Variants in TRPA1 observed in about 807,000 individuals in gnomAD.
TRPA1 encodes ankyrin-like with transmembrane domains 1.
Under a neutral mutation model 131.3 loss-of-function variants are expected in TRPA1, and 129 were observed. The ratio of observed to expected loss-of-function variants is 0.98; its 90% CI spans 0.85 to 1.14. The LOEUF is 1.14. Ranked by LOEUF, TRPA1 falls within the 50% of genes most tolerant of loss-of-function variation. The probability of loss-of-function intolerance (pLI) is 0.00; values close to 1 mark genes in which losing one functional copy is unlikely to be tolerated. For synonymous variants in TRPA1, 441 were observed against 451.7 expected, an observed-to-expected ratio of 0.98 and a Z score of 0.30; for missense variants, 1,304 against 1,354.2, an observed-to-expected ratio of 0.96 and a Z score of 0.58.
At chr8:72,036,829 CTT>C (rs935799652) in intron 20 of TRPA1, among the ~76,000 whole-genome samples, 7 of 152,168 alleles carry the variant, frequency 4.6e-5, no homozygotes, top group African/African-American at 1.4e-4. Context: ...GTGGAGCTCT[CTT>C]TATGAACTAA....
In TRPA1 at chr8:72,033,631, A is replaced by G; in HGVS notation, c.2868+13T>C. ...TGATCAACAAACAGAAAATATAAGA[A>G]AAAACTACTTACAAGTAAATTCATG... On this transcript the variant is annotated intron_variant, in intron 23 of 26. Coordinates refer to ENST00000262209, the MANE Select transcript of TRPA1 (RefSeq NM_007332.3). The G allele has an allele frequency of 6.2e-7, 1 of 1,609,110 alleles. No individual in the cohort carries two copies. The highest frequency in any genetic ancestry group is 1.3e-5 in the African/African-American group (1 of 74,762).
the TRPA1 span, among the ~76,000 whole-genome samples, chr8:72,085,478 C>A: frequency 2.0e-5 from 3 of 151,578 alleles, no homozygotes; most frequent in African/African-American, 7.3e-5. Flanking sequence ...AAATTTATAC[C>A]TTGAATTATA....
intron 26 of TRPA1, 183 bp from the exon 27 acceptor site, chr8:72,023,299 A>T: frequency 1.4e-6 from 1 of 691,798 alleles, no homozygotes; most frequent in Non-Finnish European, 2.5e-6. Context: ...TTTTTCCCAA[A>T]GTTACACTGT....
At chr8:72,087,180 G>A in the TRPA1 span, among the ~76,000 whole-genome samples, 1 of 152,138 alleles carries the variant, frequency 6.6e-6, no homozygotes, top group African/African-American at 2.4e-5. Flanking sequence ...ATTACTGGCT[G>A]TAATTGGGTT....
At chr8:72,054,373 C>A (rs1805606943) in intron 12 of TRPA1, 1 of 155,698 alleles carries the variant, frequency 6.4e-6, no homozygotes, top group Non-Finnish European at 1.4e-5. Flanking sequence ...GAGTTTAAAT[C>A]TAAAAAGCTT....
chr8:72,059,508 C>A, intron 7 of TRPA1, 70 bp from the exon 8 acceptor site: 2 of 941,168 alleles, frequency 2.1e-6, no homozygotes, highest in Non-Finnish European at 1.6e-6. Flanking sequence ...TTTAATAAAG[C>A]TACTATATTC....
In TRPA1 at chr8:72,063,530, T is replaced by A; in HGVS notation, c.594A>T (p.Gly198=). ...ATGCAGCTTGGTGAATAGGGAAACA[T>A]CCCCATTTATTTGATTTACATGGCT... The part of the protein sequence containing the change: ...GAKPCKSNKW[G]CFPIHQAAFS... The change falls in exon 5 of 27, where the codon GGA becomes GGT. Residue 198 remains glycine, a synonymous_variant. Transcript: ENST00000262209. The A allele has an allele frequency of 6.2e-7, 1 of 1,613,778 alleles. No individual in the cohort carries two copies.
chr8:72,039,114 C>T, intron 18 of TRPA1, 87 bp from the exon 19 acceptor site: 1 of 1,291,726 alleles, frequency 7.7e-7, no homozygotes, highest in Non-Finnish European at 1.1e-6. Context: ...GTTATAACCT[C>T]TTTCAGAAAC....
In TRPA1 at chr8:72,069,064, G is replaced by C; in HGVS notation, c.403C>G (p.Leu135Val). 1 of 1,614,220 alleles carries C rather than the reference G, an allele frequency of 6.2e-7. No individual in the cohort carries two copies. The highest frequency in any genetic ancestry group is 8.5e-7 in the Non-Finnish European group (1 of 1,180,038). ...TTCATGCCCTGCACAGCTATGTGGA[G>C]AGGAGCCATCATGTTGAAGTTTCGG... ...NLRNFNMMAP[L>V]HIAVQGMNNE... is the part of the protein sequence containing the mutation. Residue 135 changes from leucine to valine, a missense_variant, in exon 3 of 27, where the codon CTC (leucine) becomes GTC (valine). Transcript: ENST00000262209.
chr8:72,055,944 A>G, intron 10 of TRPA1, 89 bp from the exon 11 acceptor site: 1 of 1,329,686 alleles, frequency 7.5e-7, no homozygotes, highest in Non-Finnish European at 1.1e-6. Flanking sequence ...AATATTTTCC[A>G]ACAAGGGTCA....
chr8:72,084,173 A>T, the TRPA1 span, among the ~76,000 whole-genome samples: 1 of 152,138 alleles, frequency 6.6e-6, no homozygotes, highest in Non-Finnish European at 1.5e-5. Flanking sequence ...ATACCATTAA[A>T]ATATGATGTA....
At chr8:72,067,620 T>C (rs565857062) in intron 3 of TRPA1, among the ~76,000 whole-genome samples, 1 of 152,294 alleles carries the variant, frequency 6.6e-6, no homozygotes, top group African/African-American at 2.4e-5. Flanking sequence ...ACGGCCAATA[T>C]TAAGTTAATA....
chr8:72,072,483 A>T (rs1806086486), intron 1 of TRPA1, among the ~76,000 whole-genome samples: 1 of 152,210 alleles, frequency 6.6e-6, no homozygotes, highest in Non-Finnish European at 1.5e-5. Context: ...CTTCTATGGT[A>T]GTCTCTTGAG....
intron 4 of TRPA1, 115 bp downstream of exon 4, chr8:72,065,336 T>C (rs1805905106): frequency 4.0e-6 from 4 of 996,288 alleles, no homozygotes. Flanking sequence ...GACCTAGTTT[T>C]TGTATTTTAT....
intron 12 of TRPA1, chr8:72,054,076 C>T (rs1001681736): frequency 1.1e-5 from 6 of 567,766 alleles, no homozygotes; most frequent in African/African-American, 5.7e-5. Flanking sequence ...GATTCATACA[C>T]GTTTTTTACT....
rs1396300869 is a variant in TRPA1, at chr8:72,022,875, C to G, written c.*31G>C. 6.3e-7 allele frequency: 1 copy of G among 1,596,382 alleles called. No homozygotes were observed. The highest frequency in any genetic ancestry group is 8.6e-7 in the Non-Finnish European group (1 of 1,164,820). On this transcript the variant is annotated 3_prime_UTR_variant, in exon 27 of 27. Transcript: ENST00000262209. ...TTAGAACCAGCAAGTCATGCACCCC[C>G]CATTAGAAGCCTCACTGAAGGTCTG...
chr8:72,072,020 C>T (rs962758465), intron 1 of TRPA1, among the ~76,000 whole-genome samples, 153 bp from the exon 2 acceptor site: 4 of 152,040 alleles, frequency 2.6e-5, no homozygotes, highest in Non-Finnish European at 2.9e-5. Context: ...AAAATGTTTA[C>T]GGACACAAAG....
chr8:72,034,494 G>A, intron 21 of TRPA1, 117 bp from the exon 22 acceptor site: 1 of 582,256 alleles, frequency 1.7e-6, no homozygotes, highest in East Asian at 3.3e-5. Flanking sequence ...AGATCACTGA[G>A]GCCAGTTATT....
upstream of TRPA1, among the ~76,000 whole-genome samples, chr8:72,077,206 T>A (rs1806204277): frequency 1.3e-5 from 2 of 151,328 alleles, no homozygotes; most frequent in Non-Finnish European, 2.9e-5. Flanking sequence ...GAAGTGATCA[T>A]TTTGGAAGCT....
Sources: allele counts gnomAD v4.1 joint callset (sites outside exome capture counted in the v4.1 genomes callset), GRCh38; gene constraint gnomAD v4.1.1; transcripts MANE v1.5; gene names NCBI Gene and HGNC (gene_info 2026-07-23, HGNC 2026-07-21).